The following KCNS1 variants were observed in gnomAD, a reference collection of about 807,000 sequenced individuals.
KCNS1 encodes the protein potassium voltage-gated channel modifier subfamily S member 1, also known as delayed-rectifier potassium channel regulatory subunit KCNS1.
KCNS1 carries 26 observed loss-of-function variants against 33.1 expected under a neutral mutation model. The ratio of observed to expected loss-of-function variants is 0.79; its 90% CI spans 0.58 to 1.09. The LOEUF (loss-of-function observed/expected upper bound fraction) is 1.09, where lower values mean the gene tolerates loss of function less well. Among genes scored for constraint, KCNS1 ranks in the 50% least tolerant of loss-of-function variants. The pLI, the probability that KCNS1 is intolerant of heterozygous loss-of-function variation, is 0.00. For synonymous variants in KCNS1, 299 were observed against 338.8 expected, an observed-to-expected ratio of 0.88 and a Z score of 1.29; for missense variants, 702 against 752.4, an observed-to-expected ratio of 0.93 and a Z score of 0.78.
At position 45,100,552 on chromosome 20, in the gene KCNS1, TC is replaced by T. The variant is rs111844492; in HGVS notation, c.-4+368del. 7.0e-4 allele frequency among the ~76,000 whole-genome samples: 106 copies of T among 152,320 alleles called. No homozygotes were observed. In the Middle Eastern group the frequency reaches 0.01, roughly 15 times the overall value. ...GAAAGACCAAGTGACTTGTTCAAAA[TC>T]ACCCAGCTAGTCCATGGCACAGCTA... On this transcript the variant is annotated intron_variant, in intron 1 of 3. Transcript: ENST00000537075.
In KCNS1 at chr20:45,098,344, A is replaced by G; in HGVS notation, c.428T>C (p.Leu143Pro). 6.4e-7 allele frequency: 1 copy of G among 1,573,304 alleles called. No homozygotes were observed. Among genetic ancestry groups the G allele is most frequent in the Non-Finnish European group, 8.6e-7 (1 of 1,159,972 alleles). The change falls in exon 3 of 4, where the codon CTA becomes CCA. Residue 143 changes from leucine (L) to proline (P), a missense_variant. Physicochemically the swap from Leu to Pro is moderately conservative, Grantham distance 98. Around this residue, in one of 3 missense-constraint regions of KCNS1, gnomAD observed 374 missense variants for 352.3 expected, o/e 1.06. Transcript: ENST00000537075. This position sits in a 1 kb window ranked among gnomAD's most constrained non-coding sequence, Gnocchi z 5.2. ...AFGQEADYWGLGENALAACCR... is the reference protein window; with the variant it reads ...AFGQEADYWGPGENALAACCR... ...GCACGCGGCAAGCGCGTTCTCGCCTAGGCCCCAGTAGTCGGCCTCCTGGCC... is the reference window on the plus strand; with the variant it reads ...GCACGCGGCAAGCGCGTTCTCGCCTGGGCCCCAGTAGTCGGCCTCCTGGCC...
Position 45,097,984 on chromosome 20 carries a change from G to A in KCNS1, c.788C>T (p.Pro263Leu). Residue 263 changes from proline (P) to leucine (L), a missense_variant, in exon 3 of 4, where the codon CCG becomes CTG. Pro to Leu is a moderately conservative substitution (Grantham distance 98). Coordinates refer to ENST00000537075, the MANE Select transcript of KCNS1 (RefSeq NM_001322799.2). ...CACCGGGTCGTCGCGCACGCCTTCC[G>A]GGCTGCGGCCCGCGGCCACCGCAGC... ...AVAAVAAGRS[P>L]EGVRDDPVLR... is the part of the protein sequence containing the mutation. The A allele has an allele frequency of 1.9e-6, 3 of 1,540,946 alleles. No individual in the cohort carries two copies. Among genetic ancestry groups the A allele is most frequent in the Non-Finnish European group, 2.6e-6 (3 of 1,143,976 alleles).
At chr20:45,097,581 C>T (rs1268060262) in intron 3 of KCNS1, 81 bp downstream of exon 3, 7 of 1,383,448 alleles carry the variant, frequency 5.1e-6, no homozygotes, top group South Asian at 2.7e-5. Context: ...CTGGACTCGG[C>T]AGGCTTGTAA....
chr20:45,101,080 C>G lies in KCNS1; in HGVS notation c.-163G>C, dbSNP rs1029934040. 2 of 152,430 alleles carry G rather than the reference C, an allele frequency of 1.3e-5. No homozygotes were observed. Among genetic ancestry groups the G allele is most frequent in the African/African-American group, 4.8e-5 (2 of 41,466 alleles). 9.4% of individuals were successfully genotyped at this position (152,430 alleles called of 1,614,324 possible). On this transcript the variant is annotated 5_prime_UTR_variant, in exon 1 of 4. Coordinates refer to ENST00000537075, the MANE Select transcript of KCNS1 (RefSeq NM_001322799.2). ...TCTCCTTCCTTCTTCCTTGCCTAGT[C>G]CCCCGCGGCTGAAGGCCGCATCGAT... is the stretch of plus-strand genomic sequence containing the variant.
chr20:45,095,298 C>T lies in KCNS1; in HGVS notation c.1153G>A (p.Val385Met). 3.1e-6 allele frequency: 5 copies of T among 1,613,902 alleles called. No homozygotes were observed. Among genetic ancestry groups the T allele is most frequent in the Non-Finnish European group, 4.2e-6 (5 of 1,179,952 alleles). Residue 385 changes from valine to methionine, a missense_variant, in exon 4 of 4, where the codon GTG (valine) becomes ATG (methionine). Transcript: ENST00000537075. Reference protein sequence around the residue: ...EVGILLLYLAVGVSVFSGVAY... With the variant: ...EVGILLLYLAMGVSVFSGVAY... ...ACACCAGAGAACACTGACACACCCACAGCCAGGTACAGCAGCAAGATGCCC... is the reference window on the plus strand; with the variant it reads ...ACACCAGAGAACACTGACACACCCATAGCCAGGTACAGCAGCAAGATGCCC...
chr20:45,100,561 T>G (rs2145516906), intron 1 of KCNS1, among the ~76,000 whole-genome samples: 1 of 152,328 alleles, frequency 6.6e-6, no homozygotes, highest in African/African-American at 2.4e-5. Context: ...ATCACCCAGC[T>G]AGTCCATGGC....
chr20:45,099,458 G>C (rs1266411452), intron 1 of KCNS1, among the ~76,000 whole-genome samples: 1 of 152,176 alleles, frequency 6.6e-6, no homozygotes, highest in East Asian at 1.9e-4. Flanking sequence ...CCTTAGGCAA[G>C]TAACATCACC....
Position 45,098,814 on chromosome 20 carries a change from T to C in KCNS1, c.77-119A>G, listed in dbSNP as rs1293416421. The C allele has an allele frequency of 1.1e-5, 11 of 994,150 alleles. No homozygotes were observed. The highest frequency in any genetic ancestry group is 1.4e-5 in the Non-Finnish European group (10 of 737,450). 61.6% of individuals were successfully genotyped at this position (994,150 alleles called of 1,614,324 possible). The stretch of plus-strand genomic sequence containing the variant: ...GGTGTTGGAGGCTGTGTGTGAAGCA[T>C]CTGGTATGCAGGAGGCGCTCAGTAG... On this transcript the variant is annotated intron_variant, in intron 2 of 3. Coordinates refer to ENST00000537075, the MANE Select transcript of KCNS1 (RefSeq NM_001322799.2). The surrounding 1 kb of genome is among the most constrained non-coding windows in gnomAD (Gnocchi z 5.2).
In KCNS1 at chr20:45,098,119, G is replaced by T; in HGVS notation, c.653C>A (p.Pro218Gln). 1 of 1,597,794 alleles carries T rather than the reference G, an allele frequency of 6.3e-7. No homozygotes were observed. Among genetic ancestry groups the T allele is most frequent in the Non-Finnish European group, 8.5e-7 (1 of 1,173,358 alleles). ...LTMENPGYSL[P>Q]SKLFSCVSIS... The stretch of plus-strand genomic sequence containing the variant: ...GGAGACGCAGCTGAAGAGCTTGCTC[G>T]GCAGCGAGTAGCCCGGGTTCTCCAT... The change falls in exon 3 of 4, where the codon CCG (proline) becomes CAG (glutamine). Residue 218 changes from proline (P) to glutamine (Q), a missense_variant. Pro to Gln is a moderately conservative substitution (Grantham distance 76). This residue lies in a region of KCNS1 where 374 missense variants were observed against 352.3 expected (regional missense o/e 1.06). Transcript: ENST00000537075. The surrounding 1 kb of genome is among the most constrained non-coding windows in gnomAD (Gnocchi z 5.2).
chr20:45,099,207 G>A lies in KCNS1; in HGVS notation c.30C>T (p.His10=). 1 of 1,548,182 alleles carries A rather than the reference G, an allele frequency of 6.5e-7. No homozygotes were observed. The highest frequency in any genetic ancestry group is 8.7e-7 in the Non-Finnish European group (1 of 1,143,826). The part of the protein sequence containing the change: MLMLLVRGT[H]YENLRSKVVL... ...CCACTTTAGACCGGAGGTTCTCATA[G>A]TGTGTTCCCCGGACCAGCAGCATCA... The change falls in exon 2 of 4, where the codon CAC becomes CAT. Residue 10 remains histidine (H), a synonymous_variant. Coordinates refer to ENST00000537075, the MANE Select transcript of KCNS1 (RefSeq NM_001322799.2).
In KCNS1 at chr20:45,095,155, C is replaced by G. The variant is rs760252990; in HGVS notation, c.1296G>C (p.Val432=). Residue 432 remains valine (V), a synonymous_variant, in exon 4 of 4, where the codon GTG becomes GTC. Coordinates refer to ENST00000537075, the MANE Select transcript of KCNS1 (RefSeq NM_001322799.2). ...VGYGDVVPVT[V]AGKLAASGCI... ...AGCCTGAGGCTGCCAGCTTGCCAGC[C>G]ACCGTCACTGGCACCACATCCCCAT... 1 of 1,614,118 alleles carries G rather than the reference C, an allele frequency of 6.2e-7. No homozygotes were observed. Among genetic ancestry groups the G allele is most frequent in the South Asian group, 1.1e-5 (1 of 91,080 alleles).
At chr20:45,099,279 C>A in intron 1 of KCNS1, 40 bp from the exon 2 acceptor site, 1 of 1,074,716 alleles carries the variant, frequency 9.3e-7, no homozygotes, top group Non-Finnish European at 1.4e-6. Context: ...AGCCTGCCAT[C>A]GATTTACTGA....
rs180770851 is a variant in KCNS1, at chr20:45,094,480, G to A, written c.*390C>T. 9 of 170,932 alleles carry A rather than the reference G, an allele frequency of 5.3e-5. No individual in the cohort carries two copies. The East Asian group carries it at 1.2e-3, about 22-fold the overall frequency. The allele number at this position is 170,932 out of a possible 1,614,324, so 10.6% of individuals were successfully genotyped here. A position where few individuals can be genotyped will look rare whatever the true frequency, so the allele number is the denominator to read the frequency against. On this transcript the variant is annotated 3_prime_UTR_variant, in exon 4 of 4. Coordinates refer to ENST00000537075, the MANE Select transcript of KCNS1 (RefSeq NM_001322799.2). ...CCACTTCTAATTGTGACATCTGGGA[G>A]AGGCATCGCTCATCTCTTAGCCTTG... is the stretch of plus-strand genomic sequence containing the variant.
In KCNS1 at chr20:45,094,769, G is replaced by C; in HGVS notation, c.*101C>G. 1 of 944,450 alleles carries C rather than the reference G, an allele frequency of 1.1e-6. No homozygotes were observed. The highest frequency in any genetic ancestry group is 1.6e-6 in the Non-Finnish European group (1 of 611,608). The allele number at this position is 944,450 out of a possible 1,614,324, so 58.5% of individuals were successfully genotyped here. A position where few individuals can be genotyped will look rare whatever the true frequency, so the allele number is the denominator to read the frequency against. On this transcript the variant is annotated 3_prime_UTR_variant, in exon 4 of 4. Coordinates refer to ENST00000537075, the MANE Select transcript of KCNS1 (RefSeq NM_001322799.2). Reference sequence around the variant, plus strand: ...GCAGCTTTTGAATCTCATTTCTCAGGACAGCATGAGTGATCCTGGGAGGCT... The same window carrying C: ...GCAGCTTTTGAATCTCATTTCTCAGCACAGCATGAGTGATCCTGGGAGGCT...
chr20:45,100,799 CG>C, intron 1 of KCNS1, 121 bp downstream of exon 1: 1 of 153,692 alleles, frequency 6.5e-6, no homozygotes, highest in Non-Finnish European at 1.4e-5. Flanking sequence ...TCCTCCTTGG[CG>C]GGGGGTGGGG....
intron 1 of KCNS1, chr20:45,100,380 A>C (rs1981353198): frequency 6.6e-6 from 1 of 152,270 alleles, no homozygotes; most frequent in South Asian, 2.1e-4. Flanking sequence ...GGCATCAAAA[A>C]ATGAAATTTC....
In KCNS1 at chr20:45,091,951, G is replaced by A. The variant is rs1266022199; in HGVS notation, c.*2919C>T. On this transcript the variant is annotated 3_prime_UTR_variant, in exon 4 of 4. Transcript: ENST00000537075. The stretch of plus-strand genomic sequence containing the variant: ...AACTGTCAGAGAATACACTTCTACT[G>A]TTTTAAGCCATCAAGTTTGTTTGAA... Among the ~76,000 whole-genome samples, 1 of 152,168 alleles carries A rather than the reference G, an allele frequency of 6.6e-6. No homozygotes were observed. Among genetic ancestry groups the A allele is most frequent in the Admixed American group, 6.5e-5 (1 of 15,276 alleles).
At position 45,098,564 on chromosome 20, in the gene KCNS1, G is replaced by C. The variant is rs1981292282; in HGVS notation, c.208C>G (p.Arg70Gly). Residue 70 changes from arginine (R) to glycine (G), a missense_variant, in exon 3 of 4, where the codon CGC becomes GGC. Arg to Gly is a moderately radical substitution (Grantham distance 125). Coordinates refer to ENST00000537075, the MANE Select transcript of KCNS1 (RefSeq NM_001322799.2). This position sits in a 1 kb window ranked among gnomAD's most constrained non-coding sequence, Gnocchi z 5.2. ...RRQLSARALA[R>G]FPGTRLGRLQ... ...CGGCCCAGCCGCGTGCCCGGGAAGC[G>C]CGCCAGGGCGCGCGCGCTCAGCTGC... The C allele has an allele frequency of 2.2e-6, 3 of 1,382,346 alleles. No homozygotes were observed. The highest frequency in any genetic ancestry group is 2.8e-6 in the Non-Finnish European group (3 of 1,066,872). The allele number at this position is 1,382,346 out of a possible 1,614,324, so 85.6% of individuals were successfully genotyped here. A position where few individuals can be genotyped will look rare whatever the true frequency, so the allele number is the denominator to read the frequency against.
Position 45,098,544 on chromosome 20 carries a change from C to A in KCNS1, c.228G>T (p.Leu76=). 7.0e-7 allele frequency: 1 copy of A among 1,430,410 alleles called. No individual in the cohort carries two copies. The highest frequency in any genetic ancestry group is 9.2e-7 in the Non-Finnish European group (1 of 1,090,244). The allele number at this position is 1,430,410 out of a possible 1,614,324, so 88.6% of individuals were successfully genotyped here. ...RALARFPGTR[L]GRLQAAASEE... ...CCGACGCCGCGGCCTGCAGGCGGCCCAGCCGCGTGCCCGGGAAGCGCGCCA... is the reference window on the plus strand; with the variant it reads ...CCGACGCCGCGGCCTGCAGGCGGCCAAGCCGCGTGCCCGGGAAGCGCGCCA... The change falls in exon 3 of 4, where the codon CTG becomes CTT. Residue 76 remains leucine, a synonymous_variant. Coordinates refer to ENST00000537075, the MANE Select transcript of KCNS1 (RefSeq NM_001322799.2). This position sits in a 1 kb window ranked among gnomAD's most constrained non-coding sequence, Gnocchi z 5.2.
Sources: gnomAD v4.1 joint callset for allele counts (sites outside exome capture counted in the v4.1 genomes callset) on GRCh38, gnomAD v4.1.1 for gene constraint, gnomAD v4.1.1 regional missense constraint, Gnocchi (gnomAD v3.1) non-coding constraint, MANE v1.5 for transcripts, NCBI Gene and HGNC (gene_info 2026-07-23, HGNC 2026-07-21) for gene names.